Variants in SUGCT observed in about 807,000 individuals in gnomAD.
SUGCT encodes the protein succinyl-CoA:glutarate CoA-transferase.
In SUGCT, 41 loss-of-function variants were observed where a neutral mutation model predicts 55.0. The ratio of observed to expected loss-of-function variants is 0.74; its 90% CI spans 0.58 to 0.97. The LOEUF is 0.97. Ranked by LOEUF, SUGCT falls within the 50% of genes least tolerant of loss-of-function variation. The pLI, the probability that SUGCT is intolerant of heterozygous loss-of-function variation, is 0.00. For missense variants in SUGCT, 568 were observed against 547.8 expected (o/e 1.04, Z -0.37); for synonymous variants, 187 against 200.4 (o/e 0.93, Z 0.56).
At chr7:40,538,594 A>G (rs1279258569) in intron 12 of SUGCT, 1 of 152,206 alleles carries the variant, frequency 6.6e-6, no homozygotes, top group Non-Finnish European at 1.5e-5. Context: ...AATAAGCACC[A>G]TTGTTACATA....
At chr7:40,813,900 T>C (rs1050947952) in intron 13 of SUGCT, among the ~76,000 whole-genome samples, 4 of 152,216 alleles carry the variant, frequency 2.6e-5, no homozygotes, top group African/African-American at 9.7e-5. Flanking sequence ...GGAACTGTTG[T>C]AAGACTTGTC....
At chr7:40,579,635 T>C (rs1048035081) in intron 12 of SUGCT, among the ~76,000 whole-genome samples, 1 of 152,222 alleles carries the variant, frequency 6.6e-6, no homozygotes, top group Non-Finnish European at 1.5e-5. Context: ...GGGGGTGTCG[T>C]AGCACGTGGG....
chr7:40,602,666 C>A (rs565228034), intron 12 of SUGCT, among the ~76,000 whole-genome samples: 4 of 152,262 alleles, frequency 2.6e-5, no homozygotes, highest in Admixed American at 6.5e-5. Context: ...CTGATCATGA[C>A]CCTCACTCTT....
At chr7:40,881,095 AT>A in the SUGCT span, among the ~76,000 whole-genome samples, 4 of 152,216 alleles carry the variant, frequency 2.6e-5, no homozygotes, top group East Asian at 7.7e-4. Context: ...CCACTATGAG[AT>A]TTTCAGTTTC....
At chr7:40,379,328 C>G (rs929062190) in intron 9 of SUGCT, among the ~76,000 whole-genome samples, 1 of 152,174 alleles carries the variant, frequency 6.6e-6, no homozygotes, top group Non-Finnish European at 1.5e-5. Flanking sequence ...CTAATGCAGT[C>G]TAGTCTAGTC....
At chr7:40,435,227 G>A (rs952971696) in intron 9 of SUGCT, among the ~76,000 whole-genome samples, 4 of 152,196 alleles carry the variant, frequency 2.6e-5, no homozygotes, top group Non-Finnish European at 5.9e-5. Flanking sequence ...AAGAAGGACT[G>A]AGGTCCTCAT....
At chr7:40,167,850 C>T (rs951411630) in intron 1 of SUGCT, among the ~76,000 whole-genome samples, 1 of 152,086 alleles carries the variant, frequency 6.6e-6, no homozygotes, top group African/African-American at 2.4e-5. Flanking sequence ...GAGAGTGAGC[C>T]AAAGCTCAGT....
At chr7:40,377,175 TTTC>T (rs1359341836) in intron 9 of SUGCT, among the ~76,000 whole-genome samples, 351 of 16,744 alleles carry the variant, frequency 0.021, 112 homozygotes, top group East Asian at 0.16. Context: ...TCTTTCTTTC[TTTC>T]TTTCTTTCTT....
chr7:40,869,796 T>A, the SUGCT span, among the ~76,000 whole-genome samples: 1 of 152,180 alleles, frequency 6.6e-6, no homozygotes, highest in Admixed American at 6.5e-5. Context: ...TTCAGTGTAT[T>A]GTGCAGTTAT....
chr7:40,174,787 A>G (rs2150688674), intron 1 of SUGCT, among the ~76,000 whole-genome samples: 1 of 152,370 alleles, frequency 6.6e-6, no homozygotes, highest in East Asian at 1.9e-4. Flanking sequence ...GCCAACAGGA[A>G]AACTTAATTA....
At chr7:40,957,139 T>G in the SUGCT span, among the ~76,000 whole-genome samples, 1 of 152,236 alleles carries the variant, frequency 6.6e-6, no homozygotes, top group Non-Finnish European at 1.5e-5. Flanking sequence ...TAGGTCCACT[T>G]GGTCCAGAGC....
At chr7:40,183,723 T>C (rs1207651226) in intron 3 of SUGCT, among the ~76,000 whole-genome samples, 1 of 152,210 alleles carries the variant, frequency 6.6e-6, no homozygotes, top group Non-Finnish European at 1.5e-5. Flanking sequence ...ATCAGTTTTT[T>C]GCTTTTATGT....
chr7:40,903,829 G>T, the SUGCT span, among the ~76,000 whole-genome samples: 2 of 152,174 alleles, frequency 1.3e-5, no homozygotes, highest in African/African-American at 4.8e-5. Flanking sequence ...GCCCTGAGAG[G>T]CTTGAAGGGT....
intron 13 of SUGCT, among the ~76,000 whole-genome samples, chr7:40,808,933 A>G (rs1049987971): frequency 1.3e-5 from 2 of 152,190 alleles, no homozygotes; most frequent in Admixed American, 6.5e-5. Flanking sequence ...CAGACAATTC[A>G]TGCCTGTTCC....
At chr7:40,603,760 C>A (rs938292358) in intron 12 of SUGCT, among the ~76,000 whole-genome samples, 4 of 152,112 alleles carry the variant, frequency 2.6e-5, no homozygotes, top group Non-Finnish European at 5.9e-5. Context: ...TCTTGCCATG[C>A]CCTATCATAA....
intron 9 of SUGCT, among the ~76,000 whole-genome samples, chr7:40,380,436 T>G (rs1204182663): frequency 2.6e-5 from 4 of 152,084 alleles, no homozygotes; most frequent in African/African-American, 9.7e-5. Context: ...TTTTCGGAGG[T>G]CTTTACCCTG....
At chr7:40,444,757 T>C (rs1788716932) in intron 9 of SUGCT, among the ~76,000 whole-genome samples, 1 of 152,152 alleles carries the variant, frequency 6.6e-6, no homozygotes, top group African/African-American at 2.4e-5. Context: ...CTTCCAACAC[T>C]ATGTTGAATA....
intron 7 of SUGCT, 120 bp from the exon 8 acceptor site, chr7:40,274,393 A>G (rs1792321980): frequency 1.0e-6 from 1 of 964,318 alleles, no homozygotes; most frequent in Admixed American, 2.9e-5. Context: ...TCTTGTGTGT[A>G]TGTGTCTGCA....
chr7:40,529,943 A>G (rs1312651865), intron 12 of SUGCT, among the ~76,000 whole-genome samples: 33 of 152,126 alleles, frequency 2.2e-4, no homozygotes, highest in Admixed American at 2.2e-3. Context: ...GGCAGTATAA[A>G]CATAGCTTAT....
Sources: gnomAD v4.1 joint callset for allele counts (sites outside exome capture counted in the v4.1 genomes callset) on GRCh38, gnomAD v4.1.1 for gene constraint, MANE v1.5 for transcripts, NCBI Gene and HGNC (gene_info 2026-07-23, HGNC 2026-07-21) for gene names.